ANTXR2: variants seen among roughly 807,000 people sequenced by gnomAD.
The protein encoded by ANTXR2 is ANTXR cell adhesion molecule 2, also known as anthrax toxin receptor 2.
ANTXR2 carries 44 observed loss-of-function variants against 73.7 expected under a neutral mutation model. The ratio of observed to expected loss-of-function variants is 0.60; its 90% CI spans 0.47 to 0.77. ANTXR2 has a LOEUF of 0.77. Among genes scored for constraint, ANTXR2 ranks in the 30% least tolerant of loss-of-function variants. The pLI is 0.00. For synonymous variants in ANTXR2, 217 were observed against 205.9 expected (o/e 1.05, Z -0.46); for missense variants, 604 against 592.5 (o/e 1.02, Z -0.20).
At chr4:79,977,901 G>T in intron 15 of ANTXR2, 106 bp downstream of exon 15, 1 of 1,349,382 alleles carries the variant, frequency 7.4e-7, no homozygotes, top group African/African-American at 1.5e-5. Flanking sequence ...ATGAATATCT[G>T]CAATTTCATC....
chr4:80,016,428 A>G (rs1338157893), intron 11 of ANTXR2, among the ~76,000 whole-genome samples: 1 of 152,008 alleles, frequency 6.6e-6, no homozygotes, highest in East Asian at 1.9e-4. Flanking sequence ...CAGTTCCTCC[A>G]CAAGCATAAA....
At chr4:79,982,359 C>T (rs1729927608) in intron 14 of ANTXR2, among the ~76,000 whole-genome samples, 1 of 152,110 alleles carries the variant, frequency 6.6e-6, no homozygotes, top group African/African-American at 2.4e-5. Flanking sequence ...TATATTCTAT[C>T]AAGCCTTTTT....
At chr4:79,919,865 TTATA>T (rs869257072) in intron 16 of ANTXR2, among the ~76,000 whole-genome samples, 421 of 16,838 alleles carry the variant, frequency 0.025, 2 homozygotes, top group Middle Eastern at 0.056. Flanking sequence ...AATACATATT[TTATA>T]TATATATATA....
intron 16 of ANTXR2, among the ~76,000 whole-genome samples, chr4:79,972,971 C>T (rs1204718368): frequency 3.4e-5 from 5 of 146,418 alleles, no homozygotes; most frequent in African/African-American, 1.1e-4. Context: ...CATTTGTTCA[C>T]AAGAAGCCAA....
At chr4:80,028,135 T>G (rs764502634) in intron 10 of ANTXR2, among the ~76,000 whole-genome samples, 1 of 152,148 alleles carries the variant, frequency 6.6e-6, no homozygotes, top group Non-Finnish European at 1.5e-5. Flanking sequence ...TAAGAGTTTG[T>G]TCATCTTAGC....
chr4:80,065,768 G>A (rs1053373485), intron 3 of ANTXR2, among the ~76,000 whole-genome samples: 1 of 152,128 alleles, frequency 6.6e-6, no homozygotes, highest in South Asian at 2.1e-4. Context: ...GCAACACTCT[G>A]AGAAACATGA....
chr4:80,031,406 T>A (rs1732688128), intron 10 of ANTXR2, among the ~76,000 whole-genome samples: 1 of 151,918 alleles, frequency 6.6e-6, no homozygotes, highest in South Asian at 2.1e-4. Flanking sequence ...TTGAAGAAAC[T>A]AGCTAAAACA....
intron 16 of ANTXR2, among the ~76,000 whole-genome samples, chr4:79,924,270 T>G (rs1183271278): frequency 6.6e-6 from 1 of 152,162 alleles, no homozygotes; most frequent in Non-Finnish European, 1.5e-5. Context: ...GTTTAAATAC[T>G]GGGTACTTCA....
rs745614880 is a variant in ANTXR2, at chr4:80,055,926, A to T, written c.378+6T>A. 8.4e-5 allele frequency: 127 copies of T among 1,516,278 alleles called. No homozygotes were observed. The highest frequency in any genetic ancestry group is 1.0e-4 in the Non-Finnish European group (117 of 1,126,366). 93.9% of individuals were successfully genotyped at this position (1,516,278 alleles called of 1,614,324 possible). A position where few individuals can be genotyped will look rare whatever the true frequency, so the allele number is the denominator to read the frequency against. Reference sequence around the variant, plus strand: ...CTCCCATATTTACAAATGTAAAATAACTTACTAGCTTTAGTCCTTCATGGA... The same window carrying T: ...CTCCCATATTTACAAATGTAAAATATCTTACTAGCTTTAGTCCTTCATGGA... On this transcript the variant is annotated splice_donor_region_variant and intron_variant, in intron 4 of 16. Coordinates refer to ENST00000403729, the MANE Select transcript of ANTXR2 (RefSeq NM_058172.6).
chr4:80,018,850 G>T (rs776163546), intron 11 of ANTXR2, 48 bp downstream of exon 11: 2 of 1,322,940 alleles, frequency 1.5e-6, no homozygotes, highest in South Asian at 1.5e-5. Flanking sequence ...GATTATTTCT[G>T]GATGGAATTG....
chr4:80,008,855 G>A (rs890777869), intron 11 of ANTXR2, among the ~76,000 whole-genome samples: 2 of 152,008 alleles, frequency 1.3e-5, no homozygotes, highest in Non-Finnish European at 2.9e-5. Context: ...TTCCCAAAAT[G>A]CTGCAGATTC....
intron 16 of ANTXR2, among the ~76,000 whole-genome samples, chr4:79,933,615 T>G (rs992337857): frequency 2.1e-4 from 32 of 152,074 alleles, no homozygotes; most frequent in African/African-American, 7.5e-4. Flanking sequence ...GTTTGTTACA[T>G]ATGTATACAT....
chr4:80,033,876 A>G (rs1163801239), intron 8 of ANTXR2, among the ~76,000 whole-genome samples: 1 of 152,088 alleles, frequency 6.6e-6, no homozygotes, highest in African/African-American at 2.4e-5. Flanking sequence ...CCAGACAGAT[A>G]CTATACAAAC....
chr4:80,058,532 G>T (rs749438306), intron 3 of ANTXR2, among the ~76,000 whole-genome samples: 1 of 152,020 alleles, frequency 6.6e-6, no homozygotes, highest in Non-Finnish European at 1.5e-5. Flanking sequence ...GCCAAAACAA[G>T]ACAGGGCAGA....
chr4:80,026,827 C>T lies in ANTXR2; in HGVS notation c.866+4796G>A, dbSNP rs563886406. Among the ~76,000 whole-genome samples, 38 of 152,208 alleles carry T rather than the reference C, an allele frequency of 2.5e-4. No homozygotes were observed. The South Asian group carries it at 5.4e-3, about 22-fold the overall frequency. On this transcript the variant is annotated intron_variant, in intron 10 of 16. Coordinates refer to ENST00000403729, the MANE Select transcript of ANTXR2 (RefSeq NM_058172.6). ...GTATTTTAAATTGTATCCTATTTAACATTCCCATACATGGTGACATCTTAT... is the reference window on the plus strand; with the variant it reads ...GTATTTTAAATTGTATCCTATTTAATATTCCCATACATGGTGACATCTTAT...
chr4:79,924,630 T>C (rs1042502448), intron 16 of ANTXR2, among the ~76,000 whole-genome samples: 9 of 152,184 alleles, frequency 5.9e-5, no homozygotes, highest in African/African-American at 1.9e-4. Flanking sequence ...GAGATTATTA[T>C]AAAAATTAGT....
At chr4:79,993,163 G>C (rs1730553765) in intron 12 of ANTXR2, among the ~76,000 whole-genome samples, 1 of 151,906 alleles carries the variant, frequency 6.6e-6, no homozygotes, top group South Asian at 2.1e-4. Flanking sequence ...TTAATAGAAT[G>C]TCTAGCACAA....
chr4:79,952,205 T>C (rs908122729), intron 16 of ANTXR2, among the ~76,000 whole-genome samples: 1 of 150,422 alleles, frequency 6.6e-6, no homozygotes, highest in Non-Finnish European at 1.5e-5. Flanking sequence ...ATATATATCA[T>C]ATATATAATT....
chr4:79,979,113 A>G (rs1729772723), intron 14 of ANTXR2, among the ~76,000 whole-genome samples: 2 of 152,236 alleles, frequency 1.3e-5, no homozygotes, highest in East Asian at 1.9e-4. Flanking sequence ...TTGAAAAACC[A>G]TAAGATCAAA....
Sources: gnomAD v4.1 joint callset for allele counts (sites outside exome capture counted in the v4.1 genomes callset) on GRCh38, gnomAD v4.1.1 for gene constraint, MANE v1.5 for transcripts, NCBI Gene and HGNC (gene_info 2026-07-23, HGNC 2026-07-21) for gene names.